The following KDM6A variants were observed in gnomAD, a reference collection of about 807,000 sequenced individuals.
KDM6A encodes the protein lysine-specific demethylase 6A.
In KDM6A, 11 loss-of-function variants were observed where a neutral mutation model predicts 117.6. The ratio of observed to expected loss-of-function variants is 0.09; its 90% CI spans 0.06 to 0.15. The LOEUF is 0.15. Ranked by LOEUF, KDM6A falls within the 10% of genes least tolerant of loss-of-function variation. KDM6A has a pLI of 1.00. For missense variants in KDM6A, 799 were observed against 1,077.3 expected, an observed-to-expected ratio of 0.74 and a Z score of 3.62; for synonymous variants, 384 against 396.1, an observed-to-expected ratio of 0.97 and a Z score of 0.36.
intron 2 of KDM6A, among the ~76,000 whole-genome samples, chrX:44,888,894 A>T (rs771281994): frequency 8.9e-6 from 1 of 112,113 alleles, no homozygotes; most frequent in African/African-American, 3.2e-5. Flanking sequence ...TTGAATAAAT[A>T]TATATTAGGT....
chrX:44,976,566 G>GT (rs2039628080), intron 4 of KDM6A, among the ~76,000 whole-genome samples: 1 of 111,440 alleles, frequency 9.0e-6, no homozygotes, highest in Non-Finnish European at 1.9e-5. Context: ...TGAATGCCAT[G>GT]TAATTGATTG....
rs756202597 is a variant in KDM6A, at chrX:45,039,503, A to ATTT, written c.654+1838_654+1840dup. 4.6e-3 allele frequency among the ~76,000 whole-genome samples: 282 copies of ATTT among 61,220 alleles called. 4 individuals carry two copies. Among genetic ancestry groups the ATTT allele is most frequent in the African/African-American group, 0.013 (250 of 18,826 alleles). 53.2% of individuals were successfully genotyped at this position (61,220 alleles called of 115,157 possible). Reference sequence around the variant, plus strand: ...CCTCCTCCCATTGATTCATTTGATAATTTTTTTTTTTTTTTTTTTTTTTTT... The same window carrying ATTT: ...CCTCCTCCCATTGATTCATTTGATAATTTTTTTTTTTTTTTTTTTTTTTTTTTT... On this transcript the variant is annotated intron_variant, in intron 8 of 29. Transcript: ENST00000611820.
chrX:45,109,135 T>TA (rs2046661506), intron 28 of KDM6A, among the ~76,000 whole-genome samples: 2 of 89,664 alleles, frequency 2.2e-5, no homozygotes, highest in African/African-American at 8.3e-5. Flanking sequence ...AAAATAATAA[T>TA]AATAATAAAT....
At chrX:44,958,473 C>T (rs1388694837) in intron 2 of KDM6A, among the ~76,000 whole-genome samples, 15 of 110,212 alleles carry the variant, frequency 1.4e-4, no homozygotes, top group Admixed American at 3.9e-4. Context: ...TGAGCCACCA[C>T]GCCCGGCCCT....
At position 44,890,951 on chromosome X, in the gene KDM6A, C is replaced by G. The variant is rs753381940; in HGVS notation, c.225+16964C>G. Among the ~76,000 whole-genome samples, 4 of 110,590 alleles carry G rather than the reference C, an allele frequency of 3.6e-5. No individual in the cohort carries two copies. In the East Asian group the frequency reaches 1.1e-3, roughly 31 times the overall value. On this transcript the variant is annotated intron_variant, in intron 2 of 29. Transcript: ENST00000611820. Reference sequence around the variant, plus strand: ...GAGCCACTGCACCTGGCCTGAACATCTTTCATGTTCTTATTTTCCATCTGT... The same window carrying G: ...GAGCCACTGCACCTGGCCTGAACATGTTTCATGTTCTTATTTTCCATCTGT...
intron 25 of KDM6A, among the ~76,000 whole-genome samples, chrX:45,088,471 A>C (rs192472528): frequency 2.6e-5 from 3 of 113,728 alleles, no homozygotes; most frequent in Non-Finnish European, 5.6e-5. Flanking sequence ...GTGAATGGAC[A>C]TAGCTGTATT....
intron 27 of KDM6A, among the ~76,000 whole-genome samples, chrX:45,098,146 G>T (rs1441935435): frequency 8.9e-6 from 1 of 112,173 alleles, no homozygotes; most frequent in East Asian, 2.8e-4. Context: ...TGCCATACTT[G>T]TGTGTTCATA....
intron 16 of KDM6A, 132 bp downstream of exon 16, chrX:45,062,880 G>A (rs1032055412): frequency 5.7e-5 from 27 of 470,812 alleles, no homozygotes; most frequent in Middle Eastern, 1.2e-3. Flanking sequence ...AGTAATCTCT[G>A]TATTTTAAAA....
At chrX:44,877,957 G>A (rs1439286260) in intron 2 of KDM6A, among the ~76,000 whole-genome samples, 2 of 111,230 alleles carry the variant, frequency 1.8e-5, no homozygotes, top group African/African-American at 3.3e-5. Flanking sequence ...GTTTGCTGGC[G>A]TGTTTGGTAG....
At chrX:44,876,125 A>G (rs1421146176) in intron 2 of KDM6A, among the ~76,000 whole-genome samples, 1 of 111,664 alleles carries the variant, frequency 9.0e-6, no homozygotes, top group Non-Finnish European at 1.9e-5. Context: ...AGAAAAAAAA[A>G]TCTTCACTGC....
chrX:45,006,369 C>G (rs1193224441), intron 4 of KDM6A, among the ~76,000 whole-genome samples: 1 of 109,491 alleles, frequency 9.1e-6, no homozygotes. Context: ...AAATAGCACT[C>G]GAATATAAAA....
intron 17 of KDM6A, among the ~76,000 whole-genome samples, chrX:45,067,954 T>C (rs752665672): frequency 9.0e-6 from 1 of 111,464 alleles, no homozygotes; most frequent in African/African-American, 3.3e-5. Context: ...GCCTGGCCAA[T>C]GTGTATCAAC....
chrX:44,901,759 A>G lies in KDM6A; in HGVS notation c.225+27772A>G, dbSNP rs752004582. ...AAAAATTAATAATTTTTGTGACTACATAGTATGTGTATATTCAAAGTTCAT... is the reference window on the plus strand; with the variant it reads ...AAAAATTAATAATTTTTGTGACTACGTAGTATGTGTATATTCAAAGTTCAT... On this transcript the variant is annotated intron_variant, in intron 2 of 29. Transcript: ENST00000611820. Among the ~76,000 whole-genome samples, 11 of 112,388 alleles carry G rather than the reference A, an allele frequency of 9.8e-5. No homozygotes were observed. In the South Asian group the frequency reaches 4.0e-3, roughly 41 times the overall value.
intron 2 of KDM6A, among the ~76,000 whole-genome samples, chrX:44,947,191 A>T (rs1028376412): frequency 5.4e-5 from 6 of 110,605 alleles, no homozygotes; most frequent in African/African-American, 2.0e-4. Flanking sequence ...AGATATACTG[A>T]GTTTTTGAAT....
At chrX:44,969,659 G>A (rs975004380) in intron 3 of KDM6A, among the ~76,000 whole-genome samples, 9 of 110,232 alleles carry the variant, frequency 8.2e-5, no homozygotes, top group East Asian at 2.8e-4. Flanking sequence ...CTTGTGATCC[G>A]CCTGCCTCGG....
intron 8 of KDM6A, among the ~76,000 whole-genome samples, chrX:45,043,277 G>A (rs958567347): frequency 1.8e-5 from 2 of 110,935 alleles, no homozygotes; most frequent in African/African-American, 6.6e-5. Flanking sequence ...GTGACAAAGC[G>A]AGACCCCGTC....
At chrX:44,975,069 A>T (rs758139675) in intron 4 of KDM6A, among the ~76,000 whole-genome samples, 1 of 111,915 alleles carries the variant, frequency 8.9e-6, no homozygotes, top group Non-Finnish European at 1.9e-5. Context: ...AGACGTGTAT[A>T]TCAGGCTAAA....
At chrX:45,035,034 C>A in intron 7 of KDM6A, 49 bp downstream of exon 7, 2 of 929,911 alleles carry the variant, frequency 2.2e-6, no homozygotes, top group Non-Finnish European at 1.6e-6. Context: ...CCGATCACTT[C>A]ATGGCAAATA....
intron 2 of KDM6A, 108 bp downstream of exon 2, chrX:44,874,095 C>G: frequency 1.4e-6 from 1 of 714,382 alleles, no homozygotes; most frequent in East Asian, 3.5e-5. Flanking sequence ...GGACGATGGT[C>G]GAGGGGCTTC....
Sources: allele counts gnomAD v4.1 joint callset (sites outside exome capture counted in the v4.1 genomes callset), GRCh38; gene constraint gnomAD v4.1.1; transcripts MANE v1.5; gene names NCBI Gene and HGNC (gene_info 2026-07-23, HGNC 2026-07-21).